Variants in FUT8 observed in about 807,000 individuals in gnomAD.
The protein encoded by FUT8 is fucosyltransferase 8.
A neutral mutation model predicts 71.3 loss-of-function variants in FUT8; 29 were observed. That is an observed-to-expected ratio of 0.41 (90% CI 0.30 to 0.55). The LOEUF is 0.55. Among genes scored for constraint, FUT8 ranks in the 20% least tolerant of loss-of-function variants. The pLI, the probability that FUT8 is intolerant of heterozygous loss-of-function variation, is 0.34. For synonymous variants in FUT8, 254 were observed against 239.3 expected (o/e 1.06, Z -0.57); for missense variants, 544 against 702.1 (o/e 0.77, Z 2.55).
intron 3 of FUT8, among the ~76,000 whole-genome samples, chr14:65,588,389 T>C (rs533433481): frequency 7.0e-4 from 107 of 152,326 alleles, no homozygotes; most frequent in African/African-American, 2.4e-3. Context: ...CCAGGCATTA[T>C]TTATCTCTTC....
At chr14:65,557,391 G>A (rs993881657) in intron 2 of FUT8, among the ~76,000 whole-genome samples, 1 of 150,020 alleles carries the variant, frequency 6.7e-6, no homozygotes, top group Non-Finnish European at 1.5e-5. Context: ...GGAGTGTGGT[G>A]TTGTGATCTC....
At chr14:65,644,618 C>T in intron 6 of FUT8, among the ~76,000 whole-genome samples, 1 of 152,160 alleles carries the variant, frequency 6.6e-6, no homozygotes, top group East Asian at 1.9e-4. Flanking sequence ...GCCTCGGCCT[C>T]CCAAAGTGCT....
the FUT8 span, among the ~76,000 whole-genome samples, chr14:65,403,535 C>T: frequency 2.6e-5 from 4 of 152,188 alleles, no homozygotes; most frequent in South Asian, 8.3e-4. Flanking sequence ...GGCAGGATCT[C>T]TGCTTTCAAG....
At chr14:65,430,938 T>C (rs978601106) in intron 1 of FUT8, among the ~76,000 whole-genome samples, 4 of 152,064 alleles carry the variant, frequency 2.6e-5, no homozygotes, top group Non-Finnish European at 4.4e-5. Context: ...GTTGCATTGA[T>C]TGGCAATTCT....
intron 2 of FUT8, among the ~76,000 whole-genome samples, chr14:65,517,287 T>C (rs1882776975): frequency 6.6e-6 from 1 of 152,190 alleles, no homozygotes; most frequent in African/African-American, 2.4e-5. Context: ...GAATTTTCAG[T>C]GTTATCAGTG....
At chr14:65,482,918 A>G (rs1036086230) in intron 2 of FUT8, among the ~76,000 whole-genome samples, 3 of 152,144 alleles carry the variant, frequency 2.0e-5, no homozygotes, top group African/African-American at 7.2e-5. Flanking sequence ...TCCAGTGTCA[A>G]CCCACATTGG....
chr14:65,425,672 G>A (rs1338866826), intron 1 of FUT8, among the ~76,000 whole-genome samples: 1 of 151,994 alleles, frequency 6.6e-6, no homozygotes, highest in Non-Finnish European at 1.5e-5. Context: ...TTTGTGTGGT[G>A]AGAACATTTA....
At chr14:65,545,174 A>G (rs527267225) in intron 2 of FUT8, among the ~76,000 whole-genome samples, 1 of 152,072 alleles carries the variant, frequency 6.6e-6, no homozygotes, top group African/African-American at 2.4e-5. Context: ...TTACATTAAT[A>G]AACACATTAT....
At chr14:65,503,095 G>C (rs1023360077) in intron 2 of FUT8, among the ~76,000 whole-genome samples, 1 of 152,194 alleles carries the variant, frequency 6.6e-6, no homozygotes, top group African/African-American at 2.4e-5. Flanking sequence ...TTTTAGTAGA[G>C]CTATTTATAG....
At chr14:65,668,266 A>G (rs1892312877) in intron 6 of FUT8, among the ~76,000 whole-genome samples, 1 of 152,152 alleles carries the variant, frequency 6.6e-6, no homozygotes, top group African/African-American at 2.4e-5. Context: ...GCAATTATCA[A>G]CAGAGTAAAC....
intron 3 of FUT8, among the ~76,000 whole-genome samples, chr14:65,568,637 T>G (rs1231827565): frequency 6.6e-6 from 1 of 151,768 alleles, no homozygotes; most frequent in Non-Finnish European, 1.5e-5. Flanking sequence ...GATAGAATTA[T>G]ATTCTATATT....
chr14:65,389,297 T>C, the FUT8 span, among the ~76,000 whole-genome samples: 20,328 of 151,562 alleles, frequency 0.13, 2,032 homozygotes, highest in East Asian at 0.54. Context: ...CAGCCTAAAC[T>C]TCCCTGGGCT....
intron 7 of FUT8, among the ~76,000 whole-genome samples, chr14:65,717,201 G>GT (rs1895139240): frequency 1.6e-5 from 2 of 123,522 alleles, no homozygotes; most frequent in Admixed American, 8.2e-5. Flanking sequence ...CCGGGCAGAG[G>GT]CGCTCCTCAC....
chr14:65,395,040 C>G, the FUT8 span, among the ~76,000 whole-genome samples: 2 of 152,226 alleles, frequency 1.3e-5, no homozygotes, highest in South Asian at 2.1e-4. Flanking sequence ...CCACGCCCAG[C>G]TACAGTCAAA....
At chr14:65,540,875 A>G (rs2139959526) in intron 2 of FUT8, among the ~76,000 whole-genome samples, 1 of 152,358 alleles carries the variant, frequency 6.6e-6, no homozygotes. Context: ...AAACTTTGGA[A>G]AAAAGGAAAT....
chr14:65,726,901 AC>A (rs1261680392), intron 9 of FUT8, among the ~76,000 whole-genome samples: 4 of 152,216 alleles, frequency 2.6e-5, no homozygotes, highest in African/African-American at 9.6e-5. Flanking sequence ...TACAGCCATT[AC>A]AAATGAGAGA....
chr14:65,549,585 C>G (rs920635029), intron 2 of FUT8, among the ~76,000 whole-genome samples: 2 of 152,132 alleles, frequency 1.3e-5, no homozygotes, highest in African/African-American at 4.8e-5. Flanking sequence ...TGAAGCCAAA[C>G]TCAAAAATGG....
At chr14:65,378,847 T>G in the FUT8 span, among the ~76,000 whole-genome samples, 1 of 134,986 alleles carries the variant, frequency 7.4e-6, no homozygotes, top group Non-Finnish European at 1.6e-5. Context: ...GTTTTTTTTT[T>G]TTTTTTTTTT....
chr14:65,529,710 A>G (rs1385372519), intron 2 of FUT8: 1 of 152,400 alleles, frequency 6.6e-6, no homozygotes, highest in Non-Finnish European at 1.5e-5. Context: ...ATGTTTTGCA[A>G]CCAAGGTCTT....
Sources: allele counts gnomAD v4.1 joint callset (sites outside exome capture counted in the v4.1 genomes callset), GRCh38; gene constraint gnomAD v4.1.1; transcripts MANE v1.5; gene names NCBI Gene and HGNC (gene_info 2026-07-23, HGNC 2026-07-21).